The following MPDZ variants were observed in gnomAD, a reference collection of about 807,000 sequenced individuals.
MPDZ encodes multiple PDZ domain crumbs cell polarity complex component, also known as multiple PDZ domain protein.
MPDZ carries 234 observed loss-of-function variants against 239.1 expected under a neutral mutation model. The observed-to-expected ratio is 0.98, with a 90% confidence interval of 0.88 to 1.09. The LOEUF is 1.09. MPDZ is among the 50% of genes least tolerant of loss of function. MPDZ has a pLI of 0.00. For missense variants in MPDZ, 3,175 were observed against 2,510.0 expected, an observed-to-expected ratio of 1.26 and a Z score of -5.66; for synonymous variants, 1,048 against 881.3, an observed-to-expected ratio of 1.19 and a Z score of -3.35.
At chr9:13,218,893 T>A (rs1314551165) in intron 8 of MPDZ, among the ~76,000 whole-genome samples, 3 of 151,884 alleles carry the variant, frequency 2.0e-5, no homozygotes, top group African/African-American at 7.2e-5. Flanking sequence ...AATTTTGAAA[T>A]TCTCTAGCTT....
At position 13,147,557 on chromosome 9, in the gene MPDZ, G is replaced by A. The variant is rs375945342; in HGVS notation, c.3732C>T (p.Asn1244=). The A allele has an allele frequency of 1.2e-6, 2 of 1,611,430 alleles. No homozygotes were observed. The highest frequency in any genetic ancestry group is 2.2e-5 in the South Asian group (2 of 90,992). The change falls in exon 26 of 47, where the codon AAC becomes AAT. Residue 1244 remains asparagine, a synonymous_variant. Transcript: ENST00000319217. ...CTTTGTGTTCGCTTACCCTTGGTCT[G>A]TTTATAATGCTCTGTACCATAAAGA... The part of the protein sequence containing the change: ...PVVFMVQSII[N]RPRKSPLPSL...
intron 24 of MPDZ, among the ~76,000 whole-genome samples, chr9:13,156,043 G>C: frequency 6.6e-6 from 1 of 152,126 alleles, no homozygotes; most frequent in East Asian, 1.9e-4. Context: ...CATGATTTCT[G>C]TGTCAAAGGC....
intron 1 of MPDZ, among the ~76,000 whole-genome samples, chr9:13,261,264 G>A (rs1372829622): frequency 6.6e-6 from 1 of 152,140 alleles, no homozygotes; most frequent in Non-Finnish European, 1.5e-5. Flanking sequence ...CATTCCTTGG[G>A]AGATGCAACA....
chr9:13,173,632 G>T (rs571391219), intron 21 of MPDZ, among the ~76,000 whole-genome samples: 3 of 151,668 alleles, frequency 2.0e-5, no homozygotes, highest in African/African-American at 7.3e-5. Flanking sequence ...TTGAACTCAG[G>T]AGACGGAAGT....
intron 12 of MPDZ, among the ~76,000 whole-genome samples, 181 bp downstream of exon 12, chr9:13,204,855 G>A (rs548808228): frequency 6.6e-6 from 1 of 152,224 alleles, no homozygotes; most frequent in African/African-American, 2.4e-5. Context: ...GCTATAAATG[G>A]AATGTTTTAA....
rs762007397 is a variant in MPDZ at position 13,125,400 on chromosome 9, T to C, written c.4633-10A>G. Reference sequence around the variant, plus strand: ...TCAGAAGGCTAATAAACTGGCAGGGTGTATGTGTGGAAGAGAAACAAAATT... The same window carrying C: ...TCAGAAGGCTAATAAACTGGCAGGGCGTATGTGTGGAAGAGAAACAAAATT... On this transcript the variant is annotated splice_polypyrimidine_tract_variant and intron_variant, in intron 34 of 46. Coordinates refer to ENST00000319217, the MANE Select transcript of MPDZ (RefSeq NM_001378778.1). 1 of 1,610,978 alleles carries C rather than the reference T, an allele frequency of 6.2e-7. No homozygotes were observed. Among genetic ancestry groups the C allele is most frequent in the East Asian group, 2.2e-5 (1 of 44,826 alleles).
At chr9:13,242,787 A>G (rs1486991023) in intron 3 of MPDZ, among the ~76,000 whole-genome samples, 5 of 152,166 alleles carry the variant, frequency 3.3e-5, no homozygotes, top group Non-Finnish European at 5.9e-5. Context: ...TCTCAACCTC[A>G]GCAATGCAGA....
At chr9:13,272,795 C>T (rs1484125337) in intron 1 of MPDZ, among the ~76,000 whole-genome samples, 1 of 151,284 alleles carries the variant, frequency 6.6e-6, no homozygotes, top group Non-Finnish European at 1.5e-5. Context: ...TACCCTGGGA[C>T]ACTTGTGGGG....
intron 1 of MPDZ, among the ~76,000 whole-genome samples, chr9:13,265,838 G>A (rs1226146334): frequency 6.6e-6 from 1 of 152,076 alleles, no homozygotes; most frequent in Non-Finnish European, 1.5e-5. Context: ...GGATGGAGAC[G>A]ATATTTCCAA....
At chr9:13,175,668 A>C in intron 21 of MPDZ, 84 bp downstream of exon 21, 1 of 1,398,972 alleles carries the variant, frequency 7.1e-7, no homozygotes, top group Non-Finnish European at 9.8e-7. Context: ...TCTACAGCAT[A>C]AAAAATTGAA....
intron 27 of MPDZ, among the ~76,000 whole-genome samples, chr9:13,143,134 A>T (rs989917586): frequency 6.6e-6 from 1 of 152,166 alleles, no homozygotes; most frequent in African/African-American, 2.4e-5. Flanking sequence ...TAAAGAAATT[A>T]TGTGTGAAAG....
Position 13,248,508 on chromosome 9 carries a change from A to G in MPDZ, c.17-707T>C, listed in dbSNP as rs557353252. On this transcript the variant is annotated intron_variant, in intron 2 of 46. Coordinates refer to ENST00000319217, the MANE Select transcript of MPDZ (RefSeq NM_001378778.1). ...ACGCCAGACAGTTTCCACCACAAAT[A>G]ATAGTTAAAAACCTTTCCCTGAAAC... 3.4e-4 allele frequency among the ~76,000 whole-genome samples: 51 copies of G among 152,188 alleles called. No individual in the cohort carries two copies. In the East Asian group the frequency reaches 7.0e-3, roughly 21 times the overall value.
intron 3 of MPDZ, among the ~76,000 whole-genome samples, chr9:13,238,253 T>C (rs532511197): frequency 1.5e-4 from 23 of 152,276 alleles, no homozygotes; most frequent in Non-Finnish European, 2.8e-4. Context: ...CTACATCTTC[T>C]CTTTTTGCCA....
chr9:13,233,710 A>C (rs1963187838), intron 3 of MPDZ, among the ~76,000 whole-genome samples: 1 of 152,190 alleles, frequency 6.6e-6, no homozygotes, highest in African/African-American at 2.4e-5. Context: ...ATTCCAGTGA[A>C]TGATGTAAAA....
intron 32 of MPDZ, among the ~76,000 whole-genome samples, chr9:13,132,826 T>G (rs10756454): frequency 0.42 from 63,399 of 151,912 alleles, 14,670 homozygotes; most frequent in African/African-American, 0.62. Context: ...GAGTGGCAAA[T>G]CTAGGTCTCT....
rs768782818 is a variant in MPDZ at position 13,193,156 on chromosome 9, T to C, written c.1803+11A>G. On this transcript the variant is annotated intron_variant, in intron 14 of 46. Transcript: ENST00000319217. ...TATTTAAGGAGGAGAAGGAACAGCA[T>C]AGCTCCTTACTTCCAATAGCTCGTC... The C allele has an allele frequency of 1.5e-5, 23 of 1,556,418 alleles. No homozygotes were observed. Among genetic ancestry groups the C allele is most frequent in the Non-Finnish European group, 2.0e-5 (23 of 1,145,720 alleles).
At position 13,176,306 on chromosome 9, in the gene MPDZ, T is replaced by C. The variant is rs756814996; in HGVS notation, c.2761A>G (p.Ile921Val). The C allele has an allele frequency of 5.0e-6, 8 of 1,610,338 alleles. No homozygotes were observed. Among genetic ancestry groups the C allele is most frequent in the South Asian group, 4.4e-5 (4 of 90,268 alleles). The change falls in exon 20 of 47, where the codon ATA becomes GTA. Residue 921 changes from isoleucine (I) to valine (V), a missense_variant. Physicochemically the swap from Ile to Val is conservative, Grantham distance 29. Coordinates refer to ENST00000319217, the MANE Select transcript of MPDZ (RefSeq NM_001378778.1). Reference sequence around the variant, plus strand: ...AAGCCAGAAGCAGGCCCCATACTTATGTCCACCGAAGGTGTATTCTCATCC... The same window carrying C: ...AAGCCAGAAGCAGGCCCCATACTTACGTCCACCGAAGGTGTATTCTCATCC... Reference protein sequence around the residue: ...RQDENTPSVDISMGPASGFTI... With the variant: ...RQDENTPSVDVSMGPASGFTI...
At chr9:13,235,343 C>G (rs1963662871) in intron 3 of MPDZ, among the ~76,000 whole-genome samples, 1 of 152,136 alleles carries the variant, frequency 6.6e-6, no homozygotes, top group African/African-American at 2.4e-5. Context: ...AGAACAAGCA[C>G]AATTTTACAT....
At chr9:13,196,295 TA>T (rs2135275693) in intron 12 of MPDZ, 65 bp from the exon 13 acceptor site, 2 of 1,127,468 alleles carry the variant, frequency 1.8e-6, no homozygotes, top group East Asian at 2.6e-5. Context: ...TAACATCCTG[TA>T]CCAAGGATTC....
Sources: gnomAD v4.1 joint callset for allele counts (sites outside exome capture counted in the v4.1 genomes callset) on GRCh38, gnomAD v4.1.1 for gene constraint, MANE v1.5 for transcripts, NCBI Gene and HGNC (gene_info 2026-07-23, HGNC 2026-07-21) for gene names.